GLRA3: variants seen among roughly 807,000 people sequenced by gnomAD.
GLRA3 encodes the protein glycine receptor alpha 3, also known as glycine receptor subunit alpha-3.
Under a neutral mutation model 60.4 loss-of-function variants are expected in GLRA3, and 44 were observed. That is an observed-to-expected ratio of 0.73 (90% CI 0.57 to 0.94). The LOEUF (loss-of-function observed/expected upper bound fraction) is 0.94, where lower values mean the gene tolerates loss of function less well. Ranked by LOEUF, GLRA3 falls within the 40% of genes least tolerant of loss-of-function variation. The pLI, the probability that GLRA3 is intolerant of heterozygous loss-of-function variation, is 0.00. For synonymous variants in GLRA3, 223 were observed against 192.9 expected (o/e 1.16, Z -1.29); for missense variants, 508 against 564.6 (o/e 0.90, Z 1.02).
At chr4:174,689,959 G>C in intron 5 of GLRA3, among the ~76,000 whole-genome samples, 1 of 151,918 alleles carries the variant, frequency 6.6e-6, no homozygotes, top group East Asian at 1.9e-4. Context: ...ATGTCCATCA[G>C]TGGATGACTA....
At chr4:174,810,348 T>C (rs1740213927) in intron 1 of GLRA3, among the ~76,000 whole-genome samples, 1 of 151,888 alleles carries the variant, frequency 6.6e-6, no homozygotes, top group South Asian at 2.1e-4. Flanking sequence ...AAGAACAAAT[T>C]CTCAAGGCAA....
In GLRA3 at chr4:174,807,348, A is replaced by T. The variant is rs536922318; in HGVS notation, c.72-18405T>A. On this transcript the variant is annotated intron_variant, in intron 1 of 9. Coordinates refer to ENST00000274093, the MANE Select transcript of GLRA3 (RefSeq NM_006529.4). ...TTCTTTCCCTTGCAGTGTTCATTAA[A>T]GGACTACTAAATGACTAAACACAGA... 5.3e-5 allele frequency among the ~76,000 whole-genome samples: 8 copies of T among 152,204 alleles called. No individual in the cohort carries two copies. The South Asian group carries it at 1.7e-3, about 32-fold the overall frequency.
intron 5 of GLRA3, among the ~76,000 whole-genome samples, chr4:174,691,442 C>T (rs1031500445): frequency 6.6e-6 from 1 of 152,174 alleles, no homozygotes; most frequent in Admixed American, 6.5e-5. Context: ...GATGCCCAGC[C>T]AAAGCTGGAC....
chr4:174,656,612 T>C, intron 9 of GLRA3, 131 bp downstream of exon 9: 1 of 521,236 alleles, frequency 1.9e-6, no homozygotes, highest in Non-Finnish European at 3.6e-6. Flanking sequence ...AGGGGGATGA[T>C]ATTTGCTCAG....
intron 4 of GLRA3, among the ~76,000 whole-genome samples, chr4:174,726,003 T>G (rs1027480954): frequency 6.6e-6 from 1 of 152,258 alleles, no homozygotes; most frequent in Admixed American, 6.5e-5. Context: ...TGTTATCTTG[T>G]GTCTGTTTCC....
rs751697033 is a variant in GLRA3, at chr4:174,828,732, C to T, written c.71+9G>A. Reference sequence around the variant, plus strand: ...GAGTTCTCCGACTGTTAAATCCAAGCGAACTCACCTGAGTAACAGTGCTGC... The same window carrying T: ...GAGTTCTCCGACTGTTAAATCCAAGTGAACTCACCTGAGTAACAGTGCTGC... On this transcript the variant is annotated intron_variant, in intron 1 of 9. Coordinates refer to ENST00000274093, the MANE Select transcript of GLRA3 (RefSeq NM_006529.4). The T allele has an allele frequency of 3.2e-6, 5 of 1,578,604 alleles. No homozygotes were observed. In the South Asian group the frequency reaches 3.3e-5, roughly 10 times the overall value.
intron 2 of GLRA3, among the ~76,000 whole-genome samples, chr4:174,780,914 A>G (rs1341323926): frequency 6.6e-6 from 1 of 152,190 alleles, no homozygotes; most frequent in African/African-American, 2.4e-5. Context: ...ACGAGACAGA[A>G]AGTCAAAAAG....
chr4:174,794,600 A>G (rs1033373609), intron 1 of GLRA3, among the ~76,000 whole-genome samples: 4 of 152,188 alleles, frequency 2.6e-5, no homozygotes, highest in African/African-American at 9.7e-5. Context: ...TCCCTTTCGA[A>G]TAACTAAATT....
chr4:174,770,662 A>G (rs1738344100), intron 2 of GLRA3, among the ~76,000 whole-genome samples: 1 of 152,102 alleles, frequency 6.6e-6, no homozygotes, highest in Non-Finnish European at 1.5e-5. Flanking sequence ...TTAAATATGA[A>G]GGATGAACAT....
At chr4:174,768,907 G>A (rs1738264003) in intron 2 of GLRA3, among the ~76,000 whole-genome samples, 2 of 152,058 alleles carry the variant, frequency 1.3e-5, no homozygotes, top group Admixed American at 6.6e-5. Flanking sequence ...TGTGCTAGGG[G>A]CTAAAATAGC....
intron 2 of GLRA3, among the ~76,000 whole-genome samples, chr4:174,788,020 A>G (rs991820706): frequency 6.6e-6 from 1 of 152,072 alleles, no homozygotes. Flanking sequence ...TTTAAACTTT[A>G]GCAATGAAAC....
intron 8 of GLRA3, 91 bp downstream of exon 8, chr4:174,658,963 A>G (rs1362464351): frequency 2.8e-6 from 3 of 1,087,806 alleles, no homozygotes; most frequent in Non-Finnish European, 4.1e-6. Flanking sequence ...CCCAGTCCCA[A>G]TTGCTTCTCT....
At chr4:174,708,288 A>G (rs143686936) in intron 5 of GLRA3, among the ~76,000 whole-genome samples, 2 of 152,254 alleles carry the variant, frequency 1.3e-5, no homozygotes, top group East Asian at 3.9e-4. Context: ...AAGCGGTCTG[A>G]GTAATGTCAA....
At chr4:174,735,197 G>A (rs1314601744) in intron 3 of GLRA3, among the ~76,000 whole-genome samples, 1 of 152,032 alleles carries the variant, frequency 6.6e-6, no homozygotes. Context: ...ATAACCAGGT[G>A]GACTTCACTC....
At chr4:174,811,768 C>T (rs556526352) in intron 1 of GLRA3, among the ~76,000 whole-genome samples, 15 of 152,224 alleles carry the variant, frequency 9.9e-5, no homozygotes, top group South Asian at 8.3e-4. Context: ...AGTTTGATAA[C>T]GGGTGGATCA....
At position 174,747,100 on chromosome 4, in the gene GLRA3, A is replaced by G. The variant is rs114972749; in HGVS notation, c.268-18402T>C. On this transcript the variant is annotated intron_variant, in intron 3 of 9. Coordinates refer to ENST00000274093, the MANE Select transcript of GLRA3 (RefSeq NM_006529.4). ...TGGATCCTTCTATTATTGGTCACCA[A>G]TTATTCTGGCTTCTGCCTTTGTGGC... Among the ~76,000 whole-genome samples the G allele has an allele frequency of 9.3e-3, 1,419 of 152,284 alleles. 21 individuals are homozygous for G. The highest frequency in any genetic ancestry group is 0.032 in the African/African-American group (1,343 of 41,562).
At chr4:174,826,940 T>C (rs1321607545) in intron 1 of GLRA3, among the ~76,000 whole-genome samples, 1 of 151,638 alleles carries the variant, frequency 6.6e-6, no homozygotes, top group Non-Finnish European at 1.5e-5. Context: ...AAATGCTTAA[T>C]TTTTTACATA....
In GLRA3 at chr4:174,705,486, G is replaced by A. The variant is rs554567867; in HGVS notation, c.574+10002C>T. ...AAAGACTGATGAATTTCTGGGGGAG[G>A]AAATAAAAGAGGGATGCACAGTGTG... On this transcript the variant is annotated intron_variant, in intron 5 of 9. Transcript: ENST00000274093. Among the ~76,000 whole-genome samples the A allele has an allele frequency of 1.4e-5, 2 of 144,426 alleles. 1 individual carries two copies. Among genetic ancestry groups the A allele is most frequent in the Admixed American group, 1.4e-4 (2 of 14,108 alleles). 94.7% of individuals were successfully genotyped at this position (144,426 alleles called of 152,430 possible).
At chr4:174,801,141 T>C (rs1399314976) in intron 1 of GLRA3, among the ~76,000 whole-genome samples, 1 of 152,094 alleles carries the variant, frequency 6.6e-6, no homozygotes, top group East Asian at 1.9e-4. Flanking sequence ...TATCAAGATG[T>C]AACCTCATCA....
Sources: gnomAD v4.1 joint callset for allele counts (sites outside exome capture counted in the v4.1 genomes callset) on GRCh38, gnomAD v4.1.1 for gene constraint, MANE v1.5 for transcripts, NCBI Gene and HGNC (gene_info 2026-07-23, HGNC 2026-07-21) for gene names.